TRIM69: variants seen among roughly 807,000 people sequenced by gnomAD.
The protein encoded by TRIM69 is tripartite motif containing 69.
Under a neutral mutation model 37.7 loss-of-function variants are expected in TRIM69, and 29 were observed. The ratio of observed to expected loss-of-function variants is 0.77; its 90% CI spans 0.57 to 1.05. The LOEUF (loss-of-function observed/expected upper bound fraction) is 1.05, where lower values mean the gene tolerates loss of function less well. Ranked by LOEUF, TRIM69 falls within the 50% of genes least tolerant of loss-of-function variation. The pLI is 0.00. For synonymous variants in TRIM69, 209 were observed against 212.4 expected (o/e 0.98, Z 0.14); for missense variants, 596 against 579.9 (o/e 1.03, Z -0.28).
In TRIM69 at chr15:44,755,158, A is replaced by G. The variant is rs565751538; in HGVS notation, c.265A>G (p.Asn89Asp). ...PECKMLCQYNNCTFNPVLDKL... is the reference protein window; with the variant it reads ...PECKMLCQYNDCTFNPVLDKL... ...GTGTAAGATGCTATGTCAGTATAAC[A>G]ACTGTACATTCAACCCTGTACTGGA... The change falls in exon 2 of 7, where the codon AAC becomes GAC. Residue 89 changes from asparagine (N) to aspartate (D), a missense_variant. By Grantham distance (23) the Asn-to-Asp change is conservative. Transcript: ENST00000329464. 1.4e-5 allele frequency: 22 copies of G among 1,614,232 alleles called. No homozygotes were observed. The South Asian group carries it at 2.3e-4, about 17-fold the overall frequency.
rs756387319 is a variant in TRIM69 at position 44,759,733 on chromosome 15, T to G, written c.837-15T>G. On this transcript the variant is annotated splice_polypyrimidine_tract_variant and intron_variant, in intron 5 of 6. Coordinates refer to ENST00000329464, the MANE Select transcript of TRIM69 (RefSeq NM_182985.5). ...TGGAGGATGTCTAAGGATAAATGATTTATGTGCCCTGCAGCTTGGAGCAAG... is the reference window on the plus strand; with the variant it reads ...TGGAGGATGTCTAAGGATAAATGATGTATGTGCCCTGCAGCTTGGAGCAAG... 4.3e-6 allele frequency: 7 copies of G among 1,614,190 alleles called. No homozygotes were observed. In the Admixed American group the frequency reaches 1.2e-4, roughly 27 times the overall value.
At chr15:44,759,295 T>G (rs2087722617) in intron 4 of TRIM69, among the ~76,000 whole-genome samples, 1 of 152,214 alleles carries the variant, frequency 6.6e-6, no homozygotes, top group Non-Finnish European at 1.5e-5. Context: ...CTCAGAAGTT[T>G]AATTAGCTAG....
chr15:44,743,355 A>G (rs1397685163), intron 1 of TRIM69, among the ~76,000 whole-genome samples: 1 of 152,234 alleles, frequency 6.6e-6, no homozygotes, highest in East Asian at 1.9e-4. Context: ...TAAAACCATA[A>G]AAACCCTAGA....
In TRIM69 at chr15:44,767,250, G is replaced by A. The variant is rs2087915735; in HGVS notation, c.981G>A (p.Leu327=). ...TACTAGGCCTGTCTCCACTAACTCT[G>A]GACCCTAAAACAGCTCACCCAAATC... is the stretch of plus-strand genomic sequence containing the variant. The part of the protein sequence containing the change: ...TLCPGLSPLT[L]DPKTAHPNLV... Residue 327 remains leucine (L), a synonymous_variant, in exon 7 of 7, where the codon CTG becomes CTA. Coordinates refer to ENST00000329464, the MANE Select transcript of TRIM69 (RefSeq NM_182985.5). 1 of 1,613,436 alleles carries A rather than the reference G, an allele frequency of 6.2e-7. No homozygotes were observed. Among genetic ancestry groups the A allele is most frequent in the Non-Finnish European group, 8.5e-7 (1 of 1,179,834 alleles).
intron 1 of TRIM69, among the ~76,000 whole-genome samples, chr15:44,740,527 A>C (rs935517308): frequency 6.6e-6 from 1 of 152,332 alleles, no homozygotes; most frequent in African/African-American, 2.4e-5. Flanking sequence ...AATACAGAGA[A>C]GTGCTTAAAG....
intron 1 of TRIM69, among the ~76,000 whole-genome samples, chr15:44,749,678 G>C (rs1460030108): frequency 1.3e-5 from 2 of 152,106 alleles, no homozygotes; most frequent in African/African-American, 4.8e-5. Flanking sequence ...GAATAGTGCT[G>C]CTATTAACAT....
At chr15:44,759,698 C>T (rs766827751) in intron 5 of TRIM69, 36 bp downstream of exon 5, 1 of 1,614,046 alleles carries the variant, frequency 6.2e-7, no homozygotes, top group Non-Finnish European at 8.5e-7. Flanking sequence ...AATATCATTC[C>T]TTGAGTCTCT....
At chr15:44,740,626 C>T (rs1245982633) in intron 1 of TRIM69, among the ~76,000 whole-genome samples, 2 of 151,786 alleles carry the variant, frequency 1.3e-5, no homozygotes, top group Non-Finnish European at 1.5e-5. Context: ...GGAAGATCTA[C>T]CAAGCCAATG....
intron 1 of TRIM69, chr15:44,754,194 T>G (rs2087594751): frequency 6.6e-6 from 1 of 151,266 alleles, no homozygotes. Context: ...TGGCGTGGTC[T>G]TGGCTTACTG....
At chr15:44,761,785 C>T (rs2087781235) in intron 6 of TRIM69, among the ~76,000 whole-genome samples, 1 of 152,098 alleles carries the variant, frequency 6.6e-6, no homozygotes, top group South Asian at 2.1e-4. Context: ...AATGAGCAAT[C>T]CTGTTGAGCG....
intron 1 of TRIM69, among the ~76,000 whole-genome samples, chr15:44,740,669 G>C (rs955574073): frequency 4.0e-5 from 6 of 151,754 alleles, no homozygotes; most frequent in African/African-American, 1.5e-4. Context: ...TGCAATCCTA[G>C]TCTCTGATAA....
At position 44,758,779 on chromosome 15, in the gene TRIM69, A is replaced by G. The variant is rs752398113; in HGVS notation, c.738A>G (p.Gln246=). ...MELNLSQLQE[Q]CLLAKDMLVS... is the part of the protein sequence containing the mutation. ...TGAATCTGAGCCAGCTTCAGGAGCA[A>G]TGTCTCTTAGCCAAGGATATGTTGG... Residue 246 remains glutamine, a synonymous_variant, in exon 4 of 7, where the codon CAA becomes CAG. Transcript: ENST00000329464. 2 of 1,614,176 alleles carry G rather than the reference A, an allele frequency of 1.2e-6. No homozygotes were observed. Among genetic ancestry groups the G allele is most frequent in the Admixed American group, 1.7e-5 (1 of 60,020 alleles).
At chr15:44,742,750 C>T (rs567009593) in intron 1 of TRIM69, among the ~76,000 whole-genome samples, 1 of 143,830 alleles carries the variant, frequency 7.0e-6, no homozygotes, top group East Asian at 2.0e-4. Flanking sequence ...AGGAATCCAA[C>T]TTACAAGGGA....
At chr15:44,738,349 C>T (rs2087209536) in intron 1 of TRIM69, among the ~76,000 whole-genome samples, 1 of 151,774 alleles carries the variant, frequency 6.6e-6, no homozygotes, top group Non-Finnish European at 1.5e-5. Context: ...GCTAAGATTA[C>T]AGGCCTGGGC....
chr15:44,741,292 G>C (rs1287979205), intron 1 of TRIM69, among the ~76,000 whole-genome samples: 1 of 152,102 alleles, frequency 6.6e-6, no homozygotes, highest in East Asian at 1.9e-4. Flanking sequence ...CAACATACCA[G>C]AATCTCTGGG....
intron 6 of TRIM69, among the ~76,000 whole-genome samples, chr15:44,764,879 A>G (rs1045204337): frequency 3.3e-5 from 5 of 152,240 alleles, no homozygotes; most frequent in Admixed American, 2.0e-4. Flanking sequence ...ACAAGGGTGG[A>G]TGAATCAAAG....
intron 6 of TRIM69, among the ~76,000 whole-genome samples, chr15:44,762,304 C>T (rs559503092): frequency 6.6e-6 from 1 of 152,078 alleles, no homozygotes; most frequent in African/African-American, 2.4e-5. Flanking sequence ...TTGTCACTTG[C>T]TTCCATCAAT....
At chr15:44,752,445 C>G (rs1471207201) in intron 1 of TRIM69, among the ~76,000 whole-genome samples, 1 of 152,128 alleles carries the variant, frequency 6.6e-6, no homozygotes, top group Non-Finnish European at 1.5e-5. Flanking sequence ...TAGAGCTACT[C>G]CATCTTTTTT....
chr15:44,739,487 G>T (rs1251517057), intron 1 of TRIM69, among the ~76,000 whole-genome samples: 3 of 152,254 alleles, frequency 2.0e-5, no homozygotes, highest in South Asian at 2.1e-4. Context: ...AAAGAAAGGG[G>T]TGACAGACGG....
Sources: gnomAD v4.1 joint callset for allele counts (sites outside exome capture counted in the v4.1 genomes callset) on GRCh38, gnomAD v4.1.1 for gene constraint, MANE v1.5 for transcripts, NCBI Gene and HGNC (gene_info 2026-07-23, HGNC 2026-07-21) for gene names.